Variants in SLC39A11 observed in about 807,000 individuals in gnomAD.
SLC39A11 encodes solute carrier family 39 member 11.
A neutral mutation model predicts 36.1 loss-of-function variants in SLC39A11; 33 were observed. The observed-to-expected ratio is 0.91, with a 90% CI of 0.69 to 1.22. SLC39A11 has a LOEUF of 1.22. Among genes scored for constraint, SLC39A11 ranks in the 50% most tolerant of loss-of-function variants. The pLI is 0.00. For missense variants in SLC39A11, 432 were observed against 430.3 expected (o/e 1.00, Z -0.03); for synonymous variants, 166 against 170.3 (o/e 0.97, Z 0.20).
chr17:72,981,923 G>A (rs759013686), intron 4 of SLC39A11, among the ~76,000 whole-genome samples: 4 of 152,152 alleles, frequency 2.6e-5, no homozygotes, highest in Admixed American at 1.3e-4. Context: ...TTTGAAACAC[G>A]TGGAAAGATG....
At chr17:72,895,272 AT>A (rs1275308233) in intron 5 of SLC39A11, among the ~76,000 whole-genome samples, 4 of 152,112 alleles carry the variant, frequency 2.6e-5, no homozygotes, top group Non-Finnish European at 5.9e-5. Context: ...AAACAGCCCT[AT>A]CCTGCTTTGA....
intron 6 of SLC39A11, among the ~76,000 whole-genome samples, chr17:72,846,794 C>A (rs2079073268): frequency 6.6e-6 from 1 of 152,190 alleles, no homozygotes; most frequent in Admixed American, 6.5e-5. Context: ...ACTAAACCCA[C>A]TGGGCAGATC....
intron 6 of SLC39A11, among the ~76,000 whole-genome samples, chr17:72,745,706 G>A (rs757161534): frequency 1.1e-4 from 17 of 152,168 alleles, no homozygotes; most frequent in Admixed American, 1.3e-4. Flanking sequence ...CTGGGCCTCT[G>A]GTTTAAGCAC....
At chr17:73,050,238 T>C (rs1294626565) in intron 3 of SLC39A11, among the ~76,000 whole-genome samples, 1 of 148,096 alleles carries the variant, frequency 6.8e-6, no homozygotes, top group East Asian at 2.0e-4. Flanking sequence ...AGCTGAGCCC[T>C]GAATGGTGAG....
chr17:72,717,742 A>G (rs1230757947), intron 7 of SLC39A11, among the ~76,000 whole-genome samples: 1 of 152,196 alleles, frequency 6.6e-6, no homozygotes, highest in Non-Finnish European at 1.5e-5. Flanking sequence ...TAAGACTTCC[A>G]TACCTTTCTG....
chr17:72,689,521 C>T (rs774195381), intron 7 of SLC39A11, among the ~76,000 whole-genome samples: 19 of 152,154 alleles, frequency 1.2e-4, no homozygotes, highest in Admixed American at 5.2e-4. Context: ...TATTCACAAT[C>T]GCCAAAAGGT....
At chr17:72,984,424 A>T (rs931164632) in intron 4 of SLC39A11, among the ~76,000 whole-genome samples, 1 of 152,206 alleles carries the variant, frequency 6.6e-6, no homozygotes, top group African/African-American at 2.4e-5. Context: ...TTCAAGAAAT[A>T]AGATTCCTTT....
intron 6 of SLC39A11, among the ~76,000 whole-genome samples, chr17:72,800,303 A>ATTTTTTTT (rs34172959): frequency 2.2e-5 from 2 of 90,368 alleles, no homozygotes; most frequent in African/African-American, 7.8e-5. Flanking sequence ...ACCTACAATA[A>ATTTTTTTT]TTTTTTTTTT....
intron 4 of SLC39A11, among the ~76,000 whole-genome samples, chr17:72,994,011 C>T (rs1422618076): frequency 6.6e-6 from 1 of 152,124 alleles, no homozygotes; most frequent in Admixed American, 6.5e-5. Flanking sequence ...ATTCTTGGTC[C>T]TGTATTTTTC....
chr17:72,769,377 G>T (rs2075857244), intron 6 of SLC39A11, among the ~76,000 whole-genome samples: 1 of 152,128 alleles, frequency 6.6e-6, no homozygotes, highest in Non-Finnish European at 1.5e-5. Flanking sequence ...CCTTAAAAAG[G>T]AAGGAAATTC....
At chr17:72,886,507 G>T (rs905034447) in intron 5 of SLC39A11, among the ~76,000 whole-genome samples, 1 of 151,870 alleles carries the variant, frequency 6.6e-6, no homozygotes, top group Non-Finnish European at 1.5e-5. Flanking sequence ...ATTCAACTCC[G>T]CCACTCTTTC....
At chr17:72,971,234 T>A (rs1204537914) in intron 4 of SLC39A11, among the ~76,000 whole-genome samples, 1 of 152,130 alleles carries the variant, frequency 6.6e-6, no homozygotes, top group East Asian at 1.9e-4. Flanking sequence ...AAATGAGATT[T>A]CTGGTAGCCG....
chr17:72,768,946 G>A (rs1022530013), intron 6 of SLC39A11, among the ~76,000 whole-genome samples: 3 of 152,030 alleles, frequency 2.0e-5, no homozygotes, highest in Admixed American at 2.0e-4. Context: ...ATTTTTAGTA[G>A]AGATGGGGTT....
At chr17:72,785,806 A>G (rs2076493446) in intron 6 of SLC39A11, among the ~76,000 whole-genome samples, 1 of 152,216 alleles carries the variant, frequency 6.6e-6, no homozygotes, top group Non-Finnish European at 1.5e-5. Flanking sequence ...GAGTAAGTTA[A>G]GTATGTATCT....
At chr17:72,838,007 G>T in intron 6 of SLC39A11, 1 of 1,230,938 alleles carries the variant, frequency 8.1e-7, no homozygotes, top group South Asian at 4.1e-5. Context: ...TGGTAGGTTG[G>T]GTACAGTGGC....
intron 5 of SLC39A11, among the ~76,000 whole-genome samples, chr17:72,875,488 G>A (rs1598226427): frequency 6.6e-6 from 1 of 152,274 alleles, no homozygotes; most frequent in Non-Finnish European, 1.5e-5. Flanking sequence ...TTTGCAAAGT[G>A]AGACAGAGTT....
At chr17:72,776,985 G>T (rs9905762) in intron 6 of SLC39A11, among the ~76,000 whole-genome samples, 1 of 152,146 alleles carries the variant, frequency 6.6e-6, no homozygotes, top group Non-Finnish European at 1.5e-5. Flanking sequence ...CATCTCATAA[G>T]AGGGGGCCAT....
chr17:72,805,730 AT>A (rs796432423), intron 6 of SLC39A11, among the ~76,000 whole-genome samples: 1 of 149,182 alleles, frequency 6.7e-6, no homozygotes, highest in Non-Finnish European at 1.5e-5. Flanking sequence ...CTCAGAGTTA[AT>A]TTTTTTTTCT....
At chr17:72,911,417 TTA>T (rs1491445436) in intron 5 of SLC39A11, among the ~76,000 whole-genome samples, 10 of 83,224 alleles carry the variant, frequency 1.2e-4, no homozygotes, top group South Asian at 3.6e-4. Flanking sequence ...AAAGTATAAT[TTA>T]AAAAAAAAAA....
Sources: allele counts gnomAD v4.1 joint callset (sites outside exome capture counted in the v4.1 genomes callset), GRCh38; gene constraint gnomAD v4.1.1; transcripts MANE v1.5; gene names NCBI Gene and HGNC (gene_info 2026-07-23, HGNC 2026-07-21).